ODAD2: variants seen among roughly 807,000 people sequenced by gnomAD.
ODAD2 encodes the protein outer dynein arm docking complex subunit 2.
Under a neutral mutation model 106.8 loss-of-function variants are expected in ODAD2, and 89 were observed. The ratio of observed to expected loss-of-function variants is 0.83; its 90% CI spans 0.70 to 0.99. The LOEUF (loss-of-function observed/expected upper bound fraction) is 0.99, where lower values mean the gene tolerates loss of function less well. ODAD2 is among the 50% of genes least tolerant of loss of function. The pLI is 0.00. For synonymous variants in ODAD2, 404 were observed against 436.2 expected, an observed-to-expected ratio of 0.93 and a Z score of 0.92; for missense variants, 1,168 against 1,238.5, an observed-to-expected ratio of 0.94 and a Z score of 0.85.
At chr10:27,864,645 T>A (rs555270114) in intron 17 of ODAD2, among the ~76,000 whole-genome samples, 4 of 144,654 alleles carry the variant, frequency 2.8e-5, no homozygotes, top group African/African-American at 7.8e-5. Context: ...AGGAGTGGGG[T>A]GATAGTGGGC....
chr10:27,928,831 A>G (rs753461796), intron 16 of ODAD2, among the ~76,000 whole-genome samples: 1 of 152,152 alleles, frequency 6.6e-6, no homozygotes, highest in Non-Finnish European at 1.5e-5. Flanking sequence ...CACTTATTAT[A>G]TGTCAGTCAC....
In ODAD2 at chr10:27,885,721, T is replaced by A. The variant is rs1310226524; in HGVS notation, c.2610+21942A>T. On this transcript the variant is annotated intron_variant, in intron 17 of 19. Coordinates refer to ENST00000305242, the MANE Select transcript of ODAD2 (RefSeq NM_018076.5). Reference sequence around the variant, plus strand: ...ATATATATAAAATATATATTATATATTATATATAAAATATATTATGTTATA... The same window carrying A: ...ATATATATAAAATATATATTATATAATATATATAAAATATATTATGTTATA... Among the ~76,000 whole-genome samples the A allele has an allele frequency of 6.6e-3, 278 of 42,080 alleles. 7 individuals carry two copies. The highest frequency in any genetic ancestry group is 0.012 in the Non-Finnish European group (256 of 21,024). 27.6% of individuals were successfully genotyped at this position (42,080 alleles called of 152,430 possible). A position where few individuals can be genotyped will look rare whatever the true frequency, so the allele number is the denominator to read the frequency against.
chr10:27,940,091 A>G, intron 13 of ODAD2, 84 bp from the exon 14 acceptor site: 1 of 908,228 alleles, frequency 1.1e-6, no homozygotes, highest in South Asian at 1.7e-5. Context: ...ATGCTGAACA[A>G]ACTTTCTTAG....
At chr10:27,929,291 C>T (rs748367712) in intron 16 of ODAD2, among the ~76,000 whole-genome samples, 20 of 152,066 alleles carry the variant, frequency 1.3e-4, no homozygotes, top group Admixed American at 6.5e-4. Context: ...AGATGAGAGA[C>T]GATTGATAGA....
chr10:27,977,116 G>A (rs1849239489), intron 7 of ODAD2, among the ~76,000 whole-genome samples: 1 of 152,042 alleles, frequency 6.6e-6, no homozygotes, highest in Non-Finnish European at 1.5e-5. Context: ...GATTGGAAAG[G>A]TAAAATTGAA....
chr10:27,860,545 G>T, intron 19 of ODAD2, 80 bp downstream of exon 19: 1 of 1,362,300 alleles, frequency 7.3e-7, no homozygotes. Flanking sequence ...CTCCTTTAGA[G>T]AAATCTTAGT....
Position 27,860,763 on chromosome 10 carries a change from C to A in ODAD2, c.2883G>T (p.Glu961Asp), listed in dbSNP as rs1839985548. 6.2e-7 allele frequency: 1 copy of A among 1,614,068 alleles called. No individual in the cohort carries two copies. The highest frequency in any genetic ancestry group is 1.3e-5 in the African/African-American group (1 of 74,928). Reference protein sequence around the residue: ...MWGRNRVAFGEHKAVAPLVRY... With the variant: ...MWGRNRVAFGDHKAVAPLVRY... The stretch of plus-strand genomic sequence containing the variant: ...GCACTAGTGGAGCCACTGCTTTGTG[C>A]TCACCGAAGGCCACTCTATTCCTGC... Residue 961 changes from glutamate to aspartate, a missense_variant, in exon 19 of 20, where the codon GAG becomes GAT. Glu to Asp is a conservative substitution (Grantham distance 45). Transcript: ENST00000305242.
intron 17 of ODAD2, among the ~76,000 whole-genome samples, chr10:27,886,578 T>C (rs1245357641): frequency 6.6e-6 from 1 of 152,036 alleles, no homozygotes; most frequent in African/African-American, 2.4e-5. Context: ...AAATATAAAG[T>C]TCTTTGGTAA....
intron 16 of ODAD2, among the ~76,000 whole-genome samples, chr10:27,914,706 G>A (rs574400371): frequency 6.8e-4 from 103 of 150,748 alleles, no homozygotes; most frequent in African/African-American, 2.4e-3. Context: ...ATATGTGTGT[G>A]TATATAAATA....
intron 16 of ODAD2, among the ~76,000 whole-genome samples, chr10:27,915,933 A>T (rs114430936): frequency 0.02 from 3,016 of 152,290 alleles, 103 homozygotes; most frequent in African/African-American, 0.069. Flanking sequence ...AGGTGAGCCA[A>T]CAAGGTTGTT....
In ODAD2 at chr10:27,944,297, G is replaced by A. The variant is rs761407359; in HGVS notation, c.1668C>T (p.Ala556=). Residue 556 remains alanine (A), a synonymous_variant, in exon 12 of 20, where the codon GCC becomes GCT. Transcript: ENST00000305242. ...ACTTGGCAACATTCGCGATAGTCTC[G>A]GCTGCCAAACATTTTAGACTCTTGT... ...SPHKSLKCLA[A]ETIANVAKFK... is the part of the protein sequence containing the mutation. 8.7e-6 allele frequency: 14 copies of A among 1,613,810 alleles called. No individual in the cohort carries two copies. Among genetic ancestry groups the A allele is most frequent in the Middle Eastern group, 1.6e-4 (1 of 6,072 alleles).
At chr10:27,937,332 C>CTT (rs1334891888) in intron 14 of ODAD2, among the ~76,000 whole-genome samples, 1 of 141,124 alleles carries the variant, frequency 7.1e-6, no homozygotes. Flanking sequence ...TTCTTTCTTT[C>CTT]TTTTTTCTTT....
intron 2 of ODAD2, among the ~76,000 whole-genome samples, chr10:27,991,874 G>C (rs1850258384): frequency 6.6e-6 from 1 of 152,158 alleles, no homozygotes; most frequent in Admixed American, 6.5e-5. Context: ...TTCAATAAAT[G>C]TATAATAGTG....
intron 19 of ODAD2, among the ~76,000 whole-genome samples, chr10:27,820,215 T>TGGCTGCTGCCACC (rs1320082941): frequency 2.0e-5 from 3 of 152,120 alleles, no homozygotes; most frequent in Non-Finnish European, 2.9e-5. Context: ...CACATGCCAC[T>TGGCTGCTGCCACC]GGCTGCTGCC....
chr10:27,877,447 T>C (rs1189645010), intron 17 of ODAD2, among the ~76,000 whole-genome samples: 1 of 152,172 alleles, frequency 6.6e-6, no homozygotes, highest in Non-Finnish European at 1.5e-5. Context: ...TCCTAATCTG[T>C]GGGACAGGGA....
chr10:27,917,624 A>C (rs1188844300), intron 16 of ODAD2, among the ~76,000 whole-genome samples: 1 of 152,068 alleles, frequency 6.6e-6, no homozygotes, highest in Non-Finnish European at 1.5e-5. Context: ...CCACTAAAGA[A>C]AGGTTGACAA....
chr10:27,934,342 C>G (rs2134078643), intron 16 of ODAD2, among the ~76,000 whole-genome samples: 1 of 151,680 alleles, frequency 6.6e-6, no homozygotes, highest in East Asian at 1.9e-4. Flanking sequence ...TTAAGTCACC[C>G]AGGTTCCTCC....
chr10:27,970,063 GCC>G (rs1848737805), intron 8 of ODAD2, among the ~76,000 whole-genome samples: 1 of 151,688 alleles, frequency 6.6e-6, no homozygotes, highest in African/African-American at 2.4e-5. Context: ...CCAAGTTTGT[GCC>G]ACTGCAGCCT....
rs112969444 is a variant in ODAD2, at chr10:27,996,030, A to G, written c.-38-850T>C. 5.1e-3 allele frequency among the ~76,000 whole-genome samples: 771 copies of G among 152,358 alleles called. 10 individuals are homozygous for G. The highest frequency in any genetic ancestry group is 0.018 in the African/African-American group (737 of 41,584). ...GACAAATTTCACATTGGCTAAATAG[A>G]AATTAGTCTGTAAAAGAAGATCTTT... On this transcript the variant is annotated intron_variant, in intron 1 of 19. Coordinates refer to ENST00000305242, the MANE Select transcript of ODAD2 (RefSeq NM_018076.5).
Sources: allele counts gnomAD v4.1 joint callset (sites outside exome capture counted in the v4.1 genomes callset), GRCh38; gene constraint gnomAD v4.1.1; transcripts MANE v1.5; gene names NCBI Gene and HGNC (gene_info 2026-07-23, HGNC 2026-07-21).